TLK2: variants seen among roughly 807,000 people sequenced by gnomAD.
TLK2 encodes the protein serine/threonine-protein kinase tousled-like 2.
A neutral mutation model predicts 117.3 loss-of-function variants in TLK2; 6 were observed. The observed-to-expected ratio is 0.05, with a 90% CI of 0.03 to 0.10. The LOEUF is 0.10. Ranked by LOEUF, TLK2 falls within the 10% of genes least tolerant of loss-of-function variation. The pLI is 1.00. For synonymous variants in TLK2, 257 were observed against 316.7 expected (o/e 0.81, Z 2.00); for missense variants, 299 against 901.2 (o/e 0.33, Z 8.56).
Position 62,604,411 on chromosome 17 carries a change from T to C in TLK2, c.1860-1719T>C, listed in dbSNP as rs1598888884. ...TGGAATATGCAACTATATACATATA[T>C]ATATATATATTTTTAGCACAGTTTA... is the stretch of plus-strand genomic sequence containing the variant. On this transcript the variant is annotated intron_variant, in intron 19 of 21. Coordinates refer to ENST00000346027, the MANE Select transcript of TLK2 (RefSeq NM_006852.6). Among the ~76,000 whole-genome samples the C allele has an allele frequency of 4.6e-5, 7 of 152,202 alleles. 1 individual carries two copies. The highest frequency in any genetic ancestry group is 3.9e-4 in the Admixed American group (6 of 15,272).
intron 16 of TLK2, among the ~76,000 whole-genome samples, chr17:62,595,049 C>T (rs2147079043): frequency 6.6e-6 from 1 of 152,288 alleles, no homozygotes; most frequent in African/African-American, 2.4e-5. Context: ...GCAACCTCCA[C>T]CTCCCAGGTT....
At chr17:62,578,007 A>G (rs1478934284) in intron 13 of TLK2, among the ~76,000 whole-genome samples, 1 of 152,238 alleles carries the variant, frequency 6.6e-6, no homozygotes, top group African/African-American at 2.4e-5. Context: ...AGATCGTGCC[A>G]TTGCACTCCA....
At chr17:62,593,722 G>A (rs758772284) in intron 16 of TLK2, among the ~76,000 whole-genome samples, 2 of 150,188 alleles carry the variant, frequency 1.3e-5, no homozygotes, top group Non-Finnish European at 3.0e-5. Flanking sequence ...GATACCCTCC[G>A]AAGGACCCGC....
chr17:62,589,494 T>G (rs1304392743), intron 16 of TLK2, among the ~76,000 whole-genome samples: 2 of 152,254 alleles, frequency 1.3e-5, no homozygotes, highest in Non-Finnish European at 2.9e-5. Flanking sequence ...AGTTGAAAGT[T>G]GAACATGGCT....
In TLK2 at chr17:62,479,032, C is replaced by T. The variant is rs1237005377; in HGVS notation, c.-264C>T. On this transcript the variant is annotated 5_prime_UTR_variant, in exon 1 of 22. Transcript: ENST00000346027. ...GCCGGTCCCGCGCCCCCCGCGGCCG[C>T]CCGGGCCCGGGCCCGCGTCGGGCGC... The T allele has an allele frequency of 2.0e-5, 3 of 150,380 alleles. No homozygotes were observed. The highest frequency in any genetic ancestry group is 7.3e-5 in the African/African-American group (3 of 41,310). 9.3% of individuals were successfully genotyped at this position (150,380 alleles called of 1,614,324 possible). A position where few individuals can be genotyped will look rare whatever the true frequency, so the allele number is the denominator to read the frequency against.
At chr17:62,487,291 CAAAA>C (rs556542076) in intron 2 of TLK2, among the ~76,000 whole-genome samples, 1 of 69,334 alleles carries the variant, frequency 1.4e-5, no homozygotes, top group African/African-American at 5.5e-5. Flanking sequence ...GACTCTGTCT[CAAAA>C]AAAAAAAAAA....
chr17:62,543,746 A>G (rs1484555642), intron 7 of TLK2, among the ~76,000 whole-genome samples: 2 of 152,216 alleles, frequency 1.3e-5, no homozygotes, highest in African/African-American at 2.4e-5. Context: ...TTTGTCAACT[A>G]TATGATTGGC....
chr17:62,508,471 CAG>C (rs949746008), intron 2 of TLK2: 1 of 980,728 alleles, frequency 1.0e-6, no homozygotes, highest in African/African-American at 1.8e-5. Context: ...CATTGCAAAA[CAG>C]AAGAATGGGA....
At chr17:62,564,205 CCAGCG>C (rs2079538038) in intron 10 of TLK2, among the ~76,000 whole-genome samples, 1 of 151,906 alleles carries the variant, frequency 6.6e-6, no homozygotes, top group East Asian at 1.9e-4. Context: ...GAATTCAAGA[CCAGCG>C]TGGCCAACAT....
chr17:62,563,457 AAG>A (rs1293919338), intron 10 of TLK2, among the ~76,000 whole-genome samples: 1 of 152,212 alleles, frequency 6.6e-6, no homozygotes, highest in Non-Finnish European at 1.5e-5. Context: ...AATAAAAAAA[AAG>A]AAAATAAATT....
intron 2 of TLK2, among the ~76,000 whole-genome samples, chr17:62,488,820 ATTTTTTTTTTT>A (rs36026309): frequency 1.0e-5 from 1 of 99,766 alleles, no homozygotes; most frequent in Non-Finnish European, 1.9e-5. Flanking sequence ...GGCCTTGAAG[ATTTTTTTTTTT>A]TTTTTTTTTT....
chr17:62,601,076 A>T (rs1252387225), intron 18 of TLK2, among the ~76,000 whole-genome samples: 1 of 152,192 alleles, frequency 6.6e-6, no homozygotes, highest in Non-Finnish European at 1.5e-5. Context: ...TGTAAGTCTC[A>T]TTAAGAAAGA....
chr17:62,484,381 C>T (rs181940795), intron 2 of TLK2, among the ~76,000 whole-genome samples: 1 of 151,976 alleles, frequency 6.6e-6, no homozygotes, highest in East Asian at 2.0e-4. Context: ...ACTGCAACCT[C>T]CGCTTCCTGG....
At chr17:62,493,353 C>T (rs2073309669) in intron 2 of TLK2, among the ~76,000 whole-genome samples, 1 of 151,970 alleles carries the variant, frequency 6.6e-6, no homozygotes, top group African/African-American at 2.4e-5. Flanking sequence ...ATGCATATAC[C>T]ACATCTTGTT....
chr17:62,478,744 C>T (rs1272139586), upstream of TLK2, among the ~76,000 whole-genome samples: 2 of 17,560 alleles, frequency 1.1e-4, no homozygotes, highest in Non-Finnish European at 7.1e-4. Context: ...CTTCCCCCAC[C>T]CCCCCAGGAC....
intron 14 of TLK2, 88 bp downstream of exon 14, chr17:62,578,662 T>A: frequency 2.0e-6 from 2 of 1,006,472 alleles, no homozygotes; most frequent in East Asian, 2.4e-5. Flanking sequence ...GTTTGCTTAA[T>A]GTAAGTTACA....
At chr17:62,549,373 T>C (rs2078207161) in intron 7 of TLK2, among the ~76,000 whole-genome samples, 1 of 83,038 alleles carries the variant, frequency 1.2e-5, no homozygotes, top group Non-Finnish European at 2.3e-5. Context: ...CACTCCAGCC[T>C]AAGTGACAGA....
intron 15 of TLK2, among the ~76,000 whole-genome samples, chr17:62,583,162 G>T (rs1420873717): frequency 6.6e-6 from 1 of 152,098 alleles, no homozygotes; most frequent in East Asian, 1.9e-4. Flanking sequence ...TGCAATCTCG[G>T]CTCACTGCAA....
At chr17:62,509,809 C>T (rs1004424044) in intron 2 of TLK2, among the ~76,000 whole-genome samples, 1 of 152,158 alleles carries the variant, frequency 6.6e-6, no homozygotes, top group Non-Finnish European at 1.5e-5. Flanking sequence ...CCCTCTTGCC[C>T]TTCTGCCTTC....
Sources: allele counts gnomAD v4.1 joint callset (sites outside exome capture counted in the v4.1 genomes callset), GRCh38; gene constraint gnomAD v4.1.1; transcripts MANE v1.5; gene names NCBI Gene and HGNC (gene_info 2026-07-23, HGNC 2026-07-21).